OPTN: variants seen among roughly 807,000 people sequenced by gnomAD.
OPTN encodes the protein optineurin.
OPTN carries 54 observed loss-of-function variants against 70.4 expected under a neutral mutation model. That is an observed-to-expected ratio of 0.77 (90% confidence interval 0.62 to 0.96). The LOEUF is 0.96. Ranked by LOEUF, OPTN falls within the 40% of genes least tolerant of loss-of-function variation. OPTN has a pLI of 0.00. For missense variants in OPTN, 624 were observed against 673.2 expected (o/e 0.93, Z 0.81); for synonymous variants, 256 against 248.5 (o/e 1.03, Z -0.28).
intron 12 of OPTN, among the ~76,000 whole-genome samples, chr10:13,130,781 T>C (rs1451947379): frequency 6.6e-6 from 1 of 152,132 alleles, no homozygotes; most frequent in Admixed American, 6.5e-5. Flanking sequence ...ATTTTAAACA[T>C]AGAAAGTGAA....
intron 5 of OPTN, 133 bp downstream of exon 5, chr10:13,112,768 C>A: frequency 1.2e-6 from 1 of 853,024 alleles, no homozygotes; most frequent in South Asian, 1.6e-5. Context: ...GATAAATTGG[C>A]TCTCATTTTC....
chr10:13,112,214 C>T (rs1248550158), intron 4 of OPTN, among the ~76,000 whole-genome samples: 1 of 145,230 alleles, frequency 6.9e-6, no homozygotes, highest in African/African-American at 2.6e-5. Flanking sequence ...CTCAGGCAGT[C>T]TTCCTGCCTC....
rs958499436 is a variant in OPTN at position 13,116,546 on chromosome 10, G to A, written c.626+206G>A. 6.4e-6 allele frequency: 4 copies of A among 625,006 alleles called. No individual in the cohort carries two copies. In the African/African-American group the frequency reaches 7.2e-5, roughly 11 times the overall value. 38.7% of individuals were successfully genotyped at this position (625,006 alleles called of 1,614,324 possible). ...ATTAAAAACTGTTTGGTTCCTGTTT[G>A]GCTCACACTGACTGCTCTGTTCTAG... On this transcript the variant is annotated intron_variant, in intron 6 of 14. Transcript: ENST00000378747.
intron 14 of OPTN, among the ~76,000 whole-genome samples, chr10:13,135,811 G>GAT (rs1377284757): frequency 7.9e-5 from 12 of 152,232 alleles, no homozygotes; most frequent in African/African-American, 2.9e-4. Flanking sequence ...TCTTCTCGCA[G>GAT]ATATCCTAGT....
rs56147136 is a variant in OPTN, at chr10:13,128,502, C to CTTTTTT, written c.1401+626_1401+631dup. ...TTGTGAAGTGCCTTATCAAGCCTGC[C>CTTTTTT]TTTTTTTTTTTTTTTTTTTTTTTTT... On this transcript the variant is annotated intron_variant, in intron 12 of 14. Coordinates refer to ENST00000378747, the MANE Select transcript of OPTN (RefSeq NM_001008212.2). 2.0e-3 allele frequency among the ~76,000 whole-genome samples: 67 copies of CTTTTTT among 33,454 alleles called. 14 individuals are homozygous for CTTTTTT. Among genetic ancestry groups the CTTTTTT allele is most frequent in the Non-Finnish European group, 2.8e-3 (48 of 17,112 alleles). The allele number at this position is 33,454 out of a possible 152,430, so 21.9% of individuals were successfully genotyped here. A position where few individuals can be genotyped will look rare whatever the true frequency, so the allele number is the denominator to read the frequency against.
intron 2 of OPTN, 138 bp from the exon 3 acceptor site, chr10:13,108,974 A>C: frequency 1.3e-6 from 1 of 797,918 alleles, no homozygotes; most frequent in Non-Finnish European, 2.2e-6. Context: ...AGAATCAAAA[A>C]TGTCCAAAAT....
intron 5 of OPTN, among the ~76,000 whole-genome samples, chr10:13,115,185 A>G (rs1342915616): frequency 1.6e-5 from 1 of 63,448 alleles, no homozygotes; most frequent in South Asian, 6.2e-4. Context: ...TATTTTATAT[A>G]TATATTTATA....
chr10:13,127,364 G>A (rs1399648596), intron 11 of OPTN, among the ~76,000 whole-genome samples: 1 of 152,170 alleles, frequency 6.6e-6, no homozygotes, highest in African/African-American at 2.4e-5. Context: ...GTAACAAGTG[G>A]CAAAATAACA....
At chr10:13,109,359 G>T (rs907012072) in intron 3 of OPTN, 71 bp downstream of exon 3, 15 of 1,511,596 alleles carry the variant, frequency 9.9e-6, no homozygotes, top group Non-Finnish European at 1.4e-5. Context: ...TTTGCACTAA[G>T]GCTTGGTGGT....
chr10:13,101,473 AC>A (rs1302091090), intron 1 of OPTN, among the ~76,000 whole-genome samples: 1 of 135,258 alleles, frequency 7.4e-6, no homozygotes, highest in African/African-American at 2.9e-5. Context: ...GTCCTGCCGA[AC>A]CCCCGCCCTT....
At chr10:13,101,405 C>CA (rs1264108552) in intron 1 of OPTN, among the ~76,000 whole-genome samples, 2 of 116,174 alleles carry the variant, frequency 1.7e-5, no homozygotes, top group African/African-American at 3.7e-5. Flanking sequence ...CCCCCACCCC[C>CA]CCACCCACCC....
chr10:13,138,124 T>C lies in OPTN; in HGVS notation c.*1258T>C, dbSNP rs1255756878. The C allele has an allele frequency of 5.1e-6, 1 of 196,542 alleles. No individual in the cohort carries two copies. The highest frequency in any genetic ancestry group is 2.3e-5 in the African/African-American group (1 of 43,286). The allele number at this position is 196,542 out of a possible 1,614,324, so 12.2% of individuals were successfully genotyped here. ...CAGATCCCTTTACTGGAGCCCAGTA[T>C]GTGCTGTGTGAGTTAGAAGTCATTC... On this transcript the variant is annotated 3_prime_UTR_variant, in exon 15 of 15. Transcript: ENST00000378747.
rs181825817 is a variant in OPTN at position 13,106,952 on chromosome 10, T to C, written c.-163-1186T>C. On this transcript the variant is annotated intron_variant, in intron 1 of 14. Coordinates refer to ENST00000378747, the MANE Select transcript of OPTN (RefSeq NM_001008212.2). Reference sequence around the variant, plus strand: ...ATTGAGACCAGTGCCTTTCCCCCGTTAGAAATGGGATGCTCGCTTCCAAGT... The same window carrying C: ...ATTGAGACCAGTGCCTTTCCCCCGTCAGAAATGGGATGCTCGCTTCCAAGT... Among the ~76,000 whole-genome samples the C allele has an allele frequency of 3.3e-5, 5 of 152,304 alleles. No individual in the cohort carries two copies. In the East Asian group the frequency reaches 9.7e-4, roughly 29 times the overall value.
At chr10:13,118,866 T>G (rs1564361741) in intron 6 of OPTN, 22 bp from the exon 7 acceptor site, 4 of 1,612,462 alleles carry the variant, frequency 2.5e-6, no homozygotes, top group Non-Finnish European at 1.7e-6. Flanking sequence ...GATGAAAACC[T>G]TTTAACCTTT....
At chr10:13,109,048 GAC>G in intron 2 of OPTN, 62 bp from the exon 3 acceptor site, 1 of 1,465,014 alleles carries the variant, frequency 6.8e-7, no homozygotes, top group East Asian at 2.3e-5. Flanking sequence ...GGGTTTGTGG[GAC>G]TCCCGGGGAC....
intron 1 of OPTN, among the ~76,000 whole-genome samples, chr10:13,107,289 C>A (rs566337930): frequency 3.3e-5 from 5 of 151,556 alleles, no homozygotes; most frequent in African/African-American, 1.2e-4. Context: ...TCAGGAGAAT[C>A]ACTTGAACCC....
intron 11 of OPTN, among the ~76,000 whole-genome samples, chr10:13,126,430 GC>G (rs1833465449): frequency 6.6e-6 from 1 of 151,474 alleles, no homozygotes; most frequent in African/African-American, 2.4e-5. Context: ...ACAGGCGCCC[GC>G]CACCGCGCCC....
chr10:13,109,258 G>A lies in OPTN; in HGVS notation c.136G>A (p.Glu46Lys), dbSNP rs767309978. ...TPEELLQQMK[E>K]LLTENHQLKE... ...GGAGGAGCTGCTGCAGCAGATGAAAGAGCTCCTGACCGAGAACCACCAGCT... is the reference window on the plus strand; with the variant it reads ...GGAGGAGCTGCTGCAGCAGATGAAAAAGCTCCTGACCGAGAACCACCAGCT... Residue 46 changes from glutamate (E) to lysine (K), a missense_variant, in exon 3 of 15, where the codon GAG becomes AAG. Glu to Lys is a moderately conservative substitution (Grantham distance 56). Transcript: ENST00000378747. 6.2e-7 allele frequency: 1 copy of A among 1,614,000 alleles called. No homozygotes were observed. Among genetic ancestry groups the A allele is most frequent in the African/African-American group, 1.3e-5 (1 of 75,038 alleles).
chr10:13,117,571 G>A (rs1010490371), intron 6 of OPTN, among the ~76,000 whole-genome samples: 6 of 150,484 alleles, frequency 4.0e-5, no homozygotes, highest in East Asian at 3.9e-4. Context: ...TCAGCCTTCC[G>A]AGTAGCTGGG....
Sources: gnomAD v4.1 joint callset for allele counts (sites outside exome capture counted in the v4.1 genomes callset) on GRCh38, gnomAD v4.1.1 for gene constraint, MANE v1.5 for transcripts, NCBI Gene and HGNC (gene_info 2026-07-23, HGNC 2026-07-21) for gene names.